SH3D19: variants seen among roughly 807,000 people sequenced by gnomAD.
SH3D19 encodes SH3 domain-containing protein 19.
A neutral mutation model predicts 112.1 loss-of-function variants in SH3D19; 58 were observed. The observed-to-expected ratio is 0.52, with a 90% CI of 0.42 to 0.64. The LOEUF is 0.64. Among genes scored for constraint, SH3D19 ranks in the 30% least tolerant of loss-of-function variants. The probability of loss-of-function intolerance (pLI) is 0.00; values close to 1 mark genes in which losing one functional copy is unlikely to be tolerated. For missense variants in SH3D19, 1,090 were observed against 1,263.4 expected (o/e 0.86, Z 2.08); for synonymous variants, 391 against 448.5 (o/e 0.87, Z 1.62).
intron 11 of SH3D19, among the ~76,000 whole-genome samples, chr4:151,146,661 T>G (rs1753972155): frequency 1.3e-5 from 2 of 152,136 alleles, no homozygotes; most frequent in South Asian, 4.1e-4. Context: ...GCCTCTGGAG[T>G]AGCTGGGATT....
chr4:151,321,747 G>A (rs115619950), intron 1 of SH3D19, among the ~76,000 whole-genome samples: 311 of 152,238 alleles, frequency 2.0e-3, no homozygotes, highest in African/African-American at 7.2e-3. Flanking sequence ...ATGTTATCTG[G>A]GAATGTGTCA....
intron 7 of SH3D19, among the ~76,000 whole-genome samples, chr4:151,169,666 T>C (rs925205314): frequency 2.6e-5 from 4 of 152,194 alleles, no homozygotes; most frequent in Admixed American, 6.5e-5. Context: ...GCACCTCATA[T>C]TGGGGTACTC....
chr4:151,186,183 A>G (rs1169110118), intron 3 of SH3D19, among the ~76,000 whole-genome samples: 1 of 152,204 alleles, frequency 6.6e-6, no homozygotes, highest in Admixed American at 6.5e-5. Flanking sequence ...TCTATTTTTA[A>G]AGAGATCTTT....
rs1216109056 is a variant in SH3D19, at chr4:151,122,197, A to G, written c.3038T>C (p.Ile1013Thr). The G allele has an allele frequency of 1.3e-6, 2 of 1,583,774 alleles. No individual in the cohort carries two copies. The highest frequency in any genetic ancestry group is 1.1e-5 in the South Asian group (1 of 90,100). Residue 1013 changes from isoleucine (I) to threonine (T), a missense_variant, in exon 20 of 20, where the codon ATA becomes ACA. Coordinates refer to ENST00000604030, the MANE Select transcript of SH3D19 (RefSeq NM_001378122.1). Reference sequence around the variant, plus strand: ...ATCTACAGATTCCAGCTCTGTTATTATATCTCCAGCCTGTAAGACAAAAGG... The same window carrying G: ...ATCTACAGATTCCAGCTCTGTTATTGTATCTCCAGCCTGTAAGACAAAAGG... ...EDELSFKAGD[I>T]ITELESVDDD...
chr4:151,293,551 C>T (rs1016144986), intron 1 of SH3D19, among the ~76,000 whole-genome samples: 2 of 152,172 alleles, frequency 1.3e-5, no homozygotes, highest in East Asian at 1.9e-4. Context: ...GGGTTAGTAG[C>T]ATCTGGATTG....
In SH3D19 at chr4:151,325,241, CT is replaced by C; in HGVS notation, c.111del (p.Asp38IlefsTer24). 1.6e-6 allele frequency: 2 copies of C among 1,220,844 alleles called. No individual in the cohort carries two copies. The highest frequency in any genetic ancestry group is 2.0e-6 in the Non-Finnish European group (2 of 980,700). 75.6% of individuals were successfully genotyped at this position (1,220,844 alleles called of 1,614,324 possible). ...RGRALSGHSA[A>X]DRNERNKPEH... ...CCGCCCCGTCCCCCGCGCCTCTCAC[CT>C]GCGGCCGAGTGGCCCGAGAGCGCAC... is the stretch of plus-strand genomic sequence containing the variant. On this transcript the variant is annotated frameshift_variant and splice_region_variant, in exon 1 of 20. Transcript: ENST00000604030. LOFTEE classifies it high-confidence loss of function.
At chr4:151,144,408 A>C in intron 11 of SH3D19, 2 of 842,622 alleles carry the variant, frequency 2.4e-6, no homozygotes, top group Non-Finnish European at 2.0e-6. Context: ...AGCTAAACTC[A>C]CCTGGCTTCA....
chr4:151,199,054 T>C (rs981156232), intron 2 of SH3D19, among the ~76,000 whole-genome samples: 2 of 151,296 alleles, frequency 1.3e-5, no homozygotes, highest in Non-Finnish European at 2.9e-5. Context: ...ACTGGAGAAC[T>C]TTCCCATTAG....
intron 2 of SH3D19, among the ~76,000 whole-genome samples, chr4:151,216,367 A>C (rs866699223): frequency 6.6e-6 from 1 of 152,250 alleles, no homozygotes; most frequent in Non-Finnish European, 1.5e-5. Context: ...CACTTTCCCA[A>C]GGATATTTAT....
intron 1 of SH3D19, among the ~76,000 whole-genome samples, chr4:151,256,764 G>C (rs1771959565): frequency 6.7e-6 from 1 of 148,246 alleles, no homozygotes; most frequent in South Asian, 2.2e-4. Context: ...TTTTGATAGA[G>C]AGTCTTGCTC....
At chr4:151,130,114 C>T (rs1750302212) in intron 17 of SH3D19, among the ~76,000 whole-genome samples, 1 of 152,118 alleles carries the variant, frequency 6.6e-6, no homozygotes, top group African/African-American at 2.4e-5. Context: ...ACACAATGAT[C>T]CCATCAGGCT....
Position 151,227,058 on chromosome 4 carries a change from C to T in SH3D19, c.113-972G>A, listed in dbSNP as rs143745464. ...AACCACAATATATCCTAAGCAATGA[C>T]GTTAAGAAAAAATCCTATGGAATAT... On this transcript the variant is annotated intron_variant, in intron 1 of 19. Coordinates refer to ENST00000604030, the MANE Select transcript of SH3D19 (RefSeq NM_001378122.1). 3.7e-3 allele frequency among the ~76,000 whole-genome samples: 557 copies of T among 152,164 alleles called. 3 individuals carry two copies. The highest frequency in any genetic ancestry group is 5.7e-3 in the Non-Finnish European group (389 of 68,008).
At chr4:151,147,098 A>C (rs77242227) in intron 11 of SH3D19, among the ~76,000 whole-genome samples, 1 of 152,194 alleles carries the variant, frequency 6.6e-6, no homozygotes, top group East Asian at 1.9e-4. Flanking sequence ...GATATAAACT[A>C]TAAGCCAGGA....
chr4:151,191,313 T>G (rs547849224), intron 2 of SH3D19, among the ~76,000 whole-genome samples: 1 of 152,224 alleles, frequency 6.6e-6, no homozygotes, highest in African/African-American at 2.4e-5. Flanking sequence ...AATTAAGACT[T>G]TGGGGGACTC....
chr4:151,288,545 G>A (rs1323978867), intron 1 of SH3D19, among the ~76,000 whole-genome samples: 6 of 152,110 alleles, frequency 3.9e-5, no homozygotes, highest in South Asian at 2.1e-4. Flanking sequence ...TCAGGAGTTC[G>A]AGACCAGCCT....
At chr4:151,273,968 AAATT>A (rs1773408754) in intron 1 of SH3D19, among the ~76,000 whole-genome samples, 1 of 152,228 alleles carries the variant, frequency 6.6e-6, no homozygotes, top group Non-Finnish European at 1.5e-5. Flanking sequence ...ATTTCAGAAA[AAATT>A]AAGATGAAAA....
chr4:151,174,561 G>A, intron 7 of SH3D19, 109 bp downstream of exon 7: 3 of 988,566 alleles, frequency 3.0e-6, no homozygotes, highest in Non-Finnish European at 4.3e-6. Flanking sequence ...GCACATACTT[G>A]TATACACACA....
intron 1 of SH3D19, among the ~76,000 whole-genome samples, chr4:151,312,647 A>G (rs761327093): frequency 3.9e-5 from 6 of 152,042 alleles, no homozygotes; most frequent in Non-Finnish European, 8.8e-5. Context: ...ACCTGTAATC[A>G]CGGCACTTTG....
chr4:151,175,517 T>C lies in SH3D19; in HGVS notation c.687A>G (p.Arg229=). ...SATRCPVPKP[R]SKSNLRPIPR... ...GTATTGGTCTGAGGTTGCTTTTTGA[T>C]CTTGGTTTTGGCACTGGACATCTTG... The change falls in exon 7 of 20, where the codon AGA becomes AGG. Residue 229 remains arginine (R), a synonymous_variant. Transcript: ENST00000604030. 1 of 1,405,440 alleles carries C rather than the reference T, an allele frequency of 7.1e-7. No individual in the cohort carries two copies. The highest frequency in any genetic ancestry group is 1.5e-5 in the African/African-American group (1 of 68,846). 87.1% of individuals were successfully genotyped at this position (1,405,440 alleles called of 1,614,324 possible). A position where few individuals can be genotyped will look rare whatever the true frequency, so the allele number is the denominator to read the frequency against.
Sources: allele counts gnomAD v4.1 joint callset (sites outside exome capture counted in the v4.1 genomes callset), GRCh38; gene constraint gnomAD v4.1.1; transcripts MANE v1.5; gene names NCBI Gene and HGNC (gene_info 2026-07-23, HGNC 2026-07-21).